EMID1: variants seen among roughly 807,000 people sequenced by gnomAD.
EMID1 encodes EMI domain containing 1, also known as EMI domain-containing protein 1.
EMID1 carries 40 observed loss-of-function variants against 60.6 expected under a neutral mutation model. The observed-to-expected ratio is 0.66, with a 90% CI of 0.51 to 0.86. The LOEUF is 0.86. Ranked by LOEUF, EMID1 falls within the 40% of genes least tolerant of loss-of-function variation. The probability of loss-of-function intolerance (pLI) is 0.00; values close to 1 mark genes in which losing one functional copy is unlikely to be tolerated. For synonymous variants in EMID1, 242 were observed against 231.0 expected (o/e 1.05, Z -0.43); for missense variants, 585 against 597.1 (o/e 0.98, Z 0.21).
intron 13 of EMID1, among the ~76,000 whole-genome samples, chr22:29,246,081 C>T (rs965543382): frequency 4.6e-5 from 7 of 152,218 alleles, no homozygotes; most frequent in African/African-American, 9.7e-5. Context: ...AGCATCCTCC[C>T]GGAGGAGCCA....
chr22:29,243,114 G>A (rs1288127057), intron 12 of EMID1, among the ~76,000 whole-genome samples: 1 of 148,292 alleles, frequency 6.7e-6, no homozygotes, highest in Non-Finnish European at 1.5e-5. Flanking sequence ...TGATTCCTGA[G>A]GCCAATAAAA....
At position 29,206,068 on chromosome 22, in the gene EMID1, C is replaced by T. The variant is rs2039635550; in HGVS notation, c.30C>T (p.Leu10=). ...GCGGCCCGCGGGCTTGGGCGCTGCTCTGCCTCGGGCTCCTGCTCCCGGGAG... is the reference window on the plus strand; with the variant it reads ...GCGGCCCGCGGGCTTGGGCGCTGCTTTGCCTCGGGCTCCTGCTCCCGGGAG... The part of the protein sequence containing the change: MGGPRAWAL[L]CLGLLLPGGG... The change falls in exon 1 of 15, where the codon CTC becomes CTT. Residue 10 remains leucine (L), a synonymous_variant. Coordinates refer to ENST00000334018, the MANE Select transcript of EMID1 (RefSeq NM_133455.4). 8.1e-7 allele frequency: 1 copy of T among 1,230,080 alleles called. No individual in the cohort carries two copies. 76.2% of individuals were successfully genotyped at this position (1,230,080 alleles called of 1,614,324 possible).
intron 14 of EMID1, among the ~76,000 whole-genome samples, chr22:29,255,816 TG>T (rs1296847197): frequency 3.9e-5 from 6 of 152,078 alleles, no homozygotes; most frequent in African/African-American, 1.4e-4. Context: ...GGCAAGGATC[TG>T]GGGAGAGTGA....
intron 12 of EMID1, among the ~76,000 whole-genome samples, chr22:29,239,470 C>T (rs2146348907): frequency 6.6e-6 from 1 of 152,234 alleles, no homozygotes; most frequent in South Asian, 2.1e-4. Context: ...TAATCCATCT[C>T]TTCTTGCATG....
At chr22:29,216,076 T>C (rs949834899) in intron 3 of EMID1, among the ~76,000 whole-genome samples, 1 of 152,106 alleles carries the variant, frequency 6.6e-6, no homozygotes, top group Non-Finnish European at 1.5e-5. Flanking sequence ...CACACACCTC[T>C]GTCTGTCTGC....
chr22:29,236,955 C>T (rs1204813255), intron 12 of EMID1, among the ~76,000 whole-genome samples: 1 of 151,512 alleles, frequency 6.6e-6, no homozygotes, highest in Non-Finnish European at 1.5e-5. Flanking sequence ...CACCACCATA[C>T]CTGGCTAATT....
At chr22:29,228,674 A>G (rs1420065020) in intron 5 of EMID1, among the ~76,000 whole-genome samples, 2 of 152,204 alleles carry the variant, frequency 1.3e-5, no homozygotes, top group African/African-American at 4.8e-5. Context: ...AGCTCACTGC[A>G]GCCTCCAATT....
At chr22:29,216,671 G>A (rs2040094566) in intron 3 of EMID1, 1 of 985,118 alleles carries the variant, frequency 1.0e-6, no homozygotes, top group African/African-American at 1.7e-5. Context: ...TCACCTCCCG[G>A]GGACCCTCAA....
chr22:29,214,940 A>T lies in EMID1; in HGVS notation c.116A>T (p.Tyr39Phe). ...GTCTGTTTCAGGAACTGGTGCTCCT[A>T]TGTGGTGACCCGCACCATCTCATGC... The part of the protein sequence containing the change: ...PFSGRRNWCS[Y>F]VVTRTISCHV... The change falls in exon 2 of 15, where the codon TAT (tyrosine) becomes TTT (phenylalanine). Residue 39 changes from tyrosine to phenylalanine, a missense_variant. Transcript: ENST00000334018. The T allele has an allele frequency of 4.5e-6, 7 of 1,540,074 alleles. No individual in the cohort carries two copies. Among genetic ancestry groups the T allele is most frequent in the Non-Finnish European group, 6.2e-6 (7 of 1,138,198 alleles).
chr22:29,225,099 C>G, intron 3 of EMID1, 34 bp from the exon 4 acceptor site: 1 of 1,610,238 alleles, frequency 6.2e-7, no homozygotes, highest in Non-Finnish European at 8.5e-7. Flanking sequence ...GCAAGGATCA[C>G]ATGCCAGCAG....
chr22:29,228,393 T>A (rs117996518), intron 5 of EMID1, among the ~76,000 whole-genome samples: 2,137 of 152,208 alleles, frequency 0.014, 42 homozygotes, highest in Non-Finnish European at 0.017. Flanking sequence ...TTTAGAAACA[T>A]GAAAAATTCA....
rs758942795 is a variant in EMID1, at chr22:29,231,656, G to A, written c.650G>A (p.Gly217Asp). Residue 217 changes from glycine (G) to aspartate (D), a missense_variant, in exon 7 of 15, where the codon GGC (glycine) becomes GAC (aspartate). Coordinates refer to ENST00000334018, the MANE Select transcript of EMID1 (RefSeq NM_133455.4). ...TGPKGDAGSR[G>D]PMGMRGPPGP... ...CCCAAGGGAGATGCCGGCAGTCGGG[G>A]CCCAATGGGGATGAGAGGCCCACCA... is the stretch of plus-strand genomic sequence containing the variant. 2 of 1,477,752 alleles carry A rather than the reference G, an allele frequency of 1.4e-6. No individual in the cohort carries two copies. Among genetic ancestry groups the A allele is most frequent in the South Asian group, 2.8e-5 (2 of 71,400 alleles). 91.5% of individuals were successfully genotyped at this position (1,477,752 alleles called of 1,614,324 possible).
At chr22:29,215,445 G>C (rs1468473972) in intron 2 of EMID1, 82 bp from the exon 3 acceptor site, 3 of 1,443,530 alleles carry the variant, frequency 2.1e-6, no homozygotes, top group Non-Finnish European at 2.9e-6. Flanking sequence ...GAAGCTCTAG[G>C]TTTGTCCCCA....
At chr22:29,234,089 A>G in intron 10 of EMID1, 48 bp from the exon 11 acceptor site, 2 of 1,552,194 alleles carry the variant, frequency 1.3e-6, no homozygotes, top group South Asian at 2.4e-5. Flanking sequence ...GCCCCTGCCC[A>G]CTCCATCCTG....
intron 13 of EMID1, among the ~76,000 whole-genome samples, chr22:29,250,698 C>CTGGGATTACAG (rs1255038804): frequency 7.7e-6 from 1 of 129,570 alleles, no homozygotes; most frequent in Admixed American, 8.8e-5. Context: ...TCCAGAGTGG[C>CTGGGATTACAG]TGGGATTACA....
At chr22:29,214,749 C>T (rs2040019422) in intron 1 of EMID1, among the ~76,000 whole-genome samples, 177 bp from the exon 2 acceptor site, 1 of 152,170 alleles carries the variant, frequency 6.6e-6, no homozygotes, top group Non-Finnish European at 1.5e-5. Flanking sequence ...CACCCCTCAG[C>T]CACAGGGACT....
At chr22:29,251,427 G>A (rs996216323) in intron 13 of EMID1, among the ~76,000 whole-genome samples, 6 of 149,680 alleles carry the variant, frequency 4.0e-5, no homozygotes, top group Non-Finnish European at 7.4e-5. Flanking sequence ...TGTTGCCCTG[G>A]CTAGGCTCAA....
rs67787562 is a variant in EMID1 at position 29,222,406 on chromosome 22, C to CT, written c.320-2708dup. Among the ~76,000 whole-genome samples, 21 of 88,686 alleles carry CT rather than the reference C, an allele frequency of 2.4e-4. 1 individual carries two copies. The highest frequency in any genetic ancestry group is 5.1e-4 in the African/African-American group (12 of 23,480). The allele number at this position is 88,686 out of a possible 152,430, so 58.2% of individuals were successfully genotyped here. A position where few individuals can be genotyped will look rare whatever the true frequency, so the allele number is the denominator to read the frequency against. ...ACTGCGCCTGGCCCATTTATGCTGA[C>CT]TTTTTTTTTTTTTTTTTTTGAGGAG... On this transcript the variant is annotated intron_variant, in intron 3 of 14. Transcript: ENST00000334018.
At chr22:29,240,754 C>T (rs1283819218) in intron 12 of EMID1, among the ~76,000 whole-genome samples, 1 of 152,210 alleles carries the variant, frequency 6.6e-6, no homozygotes, top group Non-Finnish European at 1.5e-5. Flanking sequence ...GTTTGATCAC[C>T]AGTAAATAGT....
Sources: gnomAD v4.1 joint callset for allele counts (sites outside exome capture counted in the v4.1 genomes callset) on GRCh38, gnomAD v4.1.1 for gene constraint, MANE v1.5 for transcripts, NCBI Gene and HGNC (gene_info 2026-07-23, HGNC 2026-07-21) for gene names.